Variants in ENOX1 observed in about 807,000 individuals in gnomAD.
ENOX1 encodes the protein ecto-NOX disulfide-thiol exchanger 1.
Under a neutral mutation model 82.5 loss-of-function variants are expected in ENOX1, and 42 were observed. The ratio of observed to expected loss-of-function variants is 0.51; its 90% CI spans 0.40 to 0.66. ENOX1 has a LOEUF of 0.66. ENOX1 is among the 30% of genes least tolerant of loss of function. The pLI is 0.00. For synonymous variants in ENOX1, 271 were observed against 282.2 expected (o/e 0.96, Z 0.40); for missense variants, 608 against 811.6 (o/e 0.75, Z 3.05).
chr13:43,740,430 A>T (rs182121071), intron 1 of ENOX1, among the ~76,000 whole-genome samples: 120 of 152,160 alleles, frequency 7.9e-4, no homozygotes, highest in Non-Finnish European at 8.8e-4. Context: ...GTTTTAGTAT[A>T]TTCACAGAGT....
chr13:43,645,345 G>T (rs1306584245), intron 2 of ENOX1, among the ~76,000 whole-genome samples: 1 of 151,878 alleles, frequency 6.6e-6, no homozygotes, highest in Non-Finnish European at 1.5e-5. Flanking sequence ...TTTTAAGAGA[G>T]GTAAGTTCTC....
intron 5 of ENOX1, among the ~76,000 whole-genome samples, chr13:43,397,515 G>A (rs1468541263): frequency 6.6e-6 from 1 of 152,172 alleles, no homozygotes; most frequent in Non-Finnish European, 1.5e-5. Flanking sequence ...GGTCACAATG[G>A]TCCCATCCAG....
intron 1 of ENOX1, among the ~76,000 whole-genome samples, chr13:43,774,938 T>C (rs1398829712): frequency 1.3e-5 from 2 of 151,986 alleles, no homozygotes; most frequent in Non-Finnish European, 2.9e-5. Flanking sequence ...CAACCTCTGC[T>C]CCACAGGTTC....
At chr13:43,680,992 G>C (rs2153797548) in intron 1 of ENOX1, among the ~76,000 whole-genome samples, 1 of 152,218 alleles carries the variant, frequency 6.6e-6, no homozygotes, top group African/African-American at 2.4e-5. Context: ...GAGAGAAAGA[G>C]AGAGCAAACA....
chr13:43,322,861 A>G (rs2047896650), intron 10 of ENOX1, among the ~76,000 whole-genome samples: 2 of 152,220 alleles, frequency 1.3e-5, no homozygotes, highest in African/African-American at 4.8e-5. Flanking sequence ...AAGGACTTAG[A>G]AATTATGGTT....
intron 1 of ENOX1, among the ~76,000 whole-genome samples, chr13:43,670,881 C>CAAA (rs1555356419): frequency 6.6e-6 from 1 of 150,456 alleles, no homozygotes; most frequent in East Asian, 1.9e-4. Context: ...ACAACAACAA[C>CAAA]AAAACACCAG....
At chr13:43,482,878 C>G (rs2058560530) in intron 3 of ENOX1, among the ~76,000 whole-genome samples, 1 of 152,016 alleles carries the variant, frequency 6.6e-6, no homozygotes, top group African/African-American at 2.4e-5. Flanking sequence ...GGCTAGAGAG[C>G]TGAGGATGGA....
At chr13:43,625,319 CTTCT>C (rs2082916818) in intron 2 of ENOX1, among the ~76,000 whole-genome samples, 2 of 151,818 alleles carry the variant, frequency 1.3e-5, no homozygotes, top group Admixed American at 1.3e-4. Flanking sequence ...AACTTTTTTT[CTTCT>C]TTCTCAGTCT....
intron 16 of ENOX1, among the ~76,000 whole-genome samples, chr13:43,223,570 T>G (rs1316048540): frequency 1.3e-5 from 2 of 152,178 alleles, no homozygotes; most frequent in African/African-American, 4.8e-5. Flanking sequence ...TTGCAGCCAC[T>G]TTTTTCTACT....
At chr13:43,697,729 C>A (rs2086710192) in intron 1 of ENOX1, among the ~76,000 whole-genome samples, 1 of 152,192 alleles carries the variant, frequency 6.6e-6, no homozygotes, top group African/African-American at 2.4e-5. Flanking sequence ...TTGGACAGAT[C>A]TGATAGGCTT....
chr13:43,522,718 G>A (rs1449718071), intron 2 of ENOX1, among the ~76,000 whole-genome samples: 1 of 152,008 alleles, frequency 6.6e-6, no homozygotes, highest in Non-Finnish European at 1.5e-5. Flanking sequence ...TAGTGCACTG[G>A]TACCCAGATT....
At chr13:43,349,834 T>C (rs771101310) in intron 8 of ENOX1, among the ~76,000 whole-genome samples, 1 of 151,918 alleles carries the variant, frequency 6.6e-6, no homozygotes, top group African/African-American at 2.4e-5. Flanking sequence ...TCAAAAGGAA[T>C]AGATGTGATT....
At chr13:43,496,180 T>G (rs535790639) in intron 2 of ENOX1, among the ~76,000 whole-genome samples, 1 of 93,274 alleles carries the variant, frequency 1.1e-5, no homozygotes, top group African/African-American at 3.4e-5. Context: ...AGTTAACTGA[T>G]TTTTTTCTAT....
At chr13:43,415,968 C>T (rs796312090) in intron 3 of ENOX1, among the ~76,000 whole-genome samples, 263 of 24,534 alleles carry the variant, frequency 0.011, no homozygotes, top group South Asian at 0.012. Context: ...GCTCCTCACA[C>T]CCCAGACAGG....
At chr13:43,340,949 C>T (rs2049016566) in intron 9 of ENOX1, among the ~76,000 whole-genome samples, 1 of 152,156 alleles carries the variant, frequency 6.6e-6, no homozygotes, top group African/African-American at 2.4e-5. Flanking sequence ...TAACTAAAAG[C>T]AGACATATCA....
chr13:43,553,370 T>C (rs2079288900), intron 2 of ENOX1, among the ~76,000 whole-genome samples: 1 of 151,972 alleles, frequency 6.6e-6, no homozygotes, highest in African/African-American at 2.4e-5. Context: ...AGAAAAAAAA[T>C]GCTATCCCAT....
chr13:43,600,759 A>C (rs2081674957), intron 2 of ENOX1, among the ~76,000 whole-genome samples: 1 of 152,308 alleles, frequency 6.6e-6, no homozygotes, highest in Admixed American at 6.5e-5. Context: ...ACACAGCACA[A>C]TCCCAATAAT....
At position 43,412,042 on chromosome 13, in the gene ENOX1, A is replaced by T. The variant is rs748539411; in HGVS notation, c.82T>A (p.Leu28Met). ...PQMMAAAADG[L>M]GSIAIDTTQL... ...GTCGTGTCTATCGCTATACTCCCCA[A>T]ACCATCGGCTGCTGTGGGGAAAAAC... The change falls in exon 5 of 17, where the codon TTG (leucine) becomes ATG (methionine). Residue 28 changes from leucine to methionine, a missense_variant. By Grantham distance (15) the Leu-to-Met change is conservative. Transcript: ENST00000690772. The T allele has an allele frequency of 6.2e-7, 1 of 1,613,782 alleles. No homozygotes were observed. Among genetic ancestry groups the T allele is most frequent in the Non-Finnish European group, 8.5e-7 (1 of 1,179,732 alleles).
rs1227984672 is a variant in ENOX1 at position 43,616,179 on chromosome 13, T to G, written c.-219+51300A>C. Among the ~76,000 whole-genome samples, 32 of 6,914 alleles carry G rather than the reference T, an allele frequency of 4.6e-3. 1 individual carries two copies. The highest frequency in any genetic ancestry group is 7.1e-3 in the African/African-American group (32 of 4,506). The allele number at this position is 6,914 out of a possible 152,430, so 4.5% of individuals were successfully genotyped here. ...ATAGATATCTATCTATCTATCTATC[T>G]ATCTATCTATATATATATATATATA... On this transcript the variant is annotated intron_variant, in intron 2 of 16. Coordinates refer to ENST00000690772, the MANE Select transcript of ENOX1 (RefSeq NM_001347969.2).
Sources: gnomAD v4.1 joint callset for allele counts (sites outside exome capture counted in the v4.1 genomes callset) on GRCh38, gnomAD v4.1.1 for gene constraint, MANE v1.5 for transcripts, NCBI Gene and HGNC (gene_info 2026-07-23, HGNC 2026-07-21) for gene names.